Variants in MSLN observed in about 807,000 individuals in gnomAD.
MSLN encodes mesothelin.
Under a neutral mutation model 72.6 loss-of-function variants are expected in MSLN, and 82 were observed. The ratio of observed to expected loss-of-function variants is 1.13; its 90% CI spans 0.94 to 1.36. MSLN has a LOEUF of 1.36. Among genes scored for constraint, MSLN ranks in the 40% most tolerant of loss-of-function variants. The pLI is 0.00. For synonymous variants in MSLN, 456 were observed against 387.3 expected, an observed-to-expected ratio of 1.18 and a Z score of -2.08; for missense variants, 1,005 against 847.9, an observed-to-expected ratio of 1.19 and a Z score of -2.30.
At position 767,494 on chromosome 16, in the gene MSLN, G is replaced by C. The variant is rs764202411; in HGVS notation, c.1596+24G>C. ...TGGTATGGCGAGCGGGAGGAGGGGC[G>C]TGTGGAGGAGGGGCCCGTGGAGGAG... On this transcript the variant is annotated intron_variant, in intron 16 of 17. Coordinates refer to ENST00000545450, the MANE Select transcript of MSLN (RefSeq NM_005823.6). The C allele has an allele frequency of 6.1e-5, 90 of 1,478,140 alleles. 1 individual carries two copies. The highest frequency in any genetic ancestry group is 7.2e-5 in the Non-Finnish European group (80 of 1,109,012). 91.6% of individuals were successfully genotyped at this position (1,478,140 alleles called of 1,614,324 possible).
chr16:762,648 A>G, intron 2 of MSLN, 24 bp from the exon 3 acceptor site: 1 of 1,575,306 alleles, frequency 6.3e-7, no homozygotes, highest in Non-Finnish European at 8.7e-7. Context: ...AGGGGGTCCC[A>G]TCCTGAGTCA....
chr16:764,247 C>A, intron 6 of MSLN, 104 bp downstream of exon 6: 1 of 1,423,834 alleles, frequency 7.0e-7, no homozygotes, highest in Non-Finnish European at 9.4e-7. Context: ...TCTGTCCCTG[C>A]TGCCATCTCT....
At position 768,456 on chromosome 16, in the gene MSLN, G is replaced by A. The variant is rs201466189; in HGVS notation, c.1674G>A (p.Pro558=). Residue 558 remains proline, a synonymous_variant, in exon 17 of 18, where the codon CCG becomes CCA. Coordinates refer to ENST00000545450, the MANE Select transcript of MSLN (RefSeq NM_005823.6). ...TGAAGGCGGAGGAGCGGCACCGCCC[G>A]GTGCGGGACTGGATCCTACGGCAGC... ...EGLKAEERHR[P]VRDWILRQRQ... The A allele has an allele frequency of 2.1e-4, 317 of 1,542,624 alleles. No homozygotes were observed. The highest frequency in any genetic ancestry group is 3.6e-4 in the African/African-American group (26 of 72,996).
rs370159653 is a variant in MSLN at position 767,362 on chromosome 16, C to G, written c.1502-14C>G. The G allele has an allele frequency of 2.5e-6, 4 of 1,610,078 alleles. No individual in the cohort carries two copies. The African/African-American group carries it at 4.0e-5, about 16-fold the overall frequency. The stretch of plus-strand genomic sequence containing the variant: ...AGGTGAGGCCTCAGCTCGGGCCCCT[C>G]TCCCGGCGGGCAGGTGGGGCCCCCA... On this transcript the variant is annotated splice_polypyrimidine_tract_variant and intron_variant, in intron 15 of 17. Coordinates refer to ENST00000545450, the MANE Select transcript of MSLN (RefSeq NM_005823.6).
rs780508605 is a variant in MSLN, at chr16:766,189, C to T, written c.1026C>T (p.Ile342=). 2 of 1,612,282 alleles carry T rather than the reference C, an allele frequency of 1.2e-6. No homozygotes were observed. Among genetic ancestry groups the T allele is most frequent in the African/African-American group, 1.3e-5 (1 of 74,936 alleles). ...CCCAGATGGACCGCGTGAACGCCAT[C>T]CCCTTCACCTACGAGCAGCTGGACG... ...LATQMDRVNA[I]PFTYEQLDVL... is the part of the protein sequence containing the mutation. Residue 342 remains isoleucine, a synonymous_variant, in exon 12 of 18, where the codon ATC becomes ATT. Transcript: ENST00000545450.
chr16:768,138 G>C (rs1276819042), intron 16 of MSLN, among the ~76,000 whole-genome samples: 13 of 149,544 alleles, frequency 8.7e-5, no homozygotes, highest in Non-Finnish European at 1.5e-4. Flanking sequence ...GGGTGGGAGG[G>C]CGTGTAAGGC....
Position 764,646 on chromosome 16 carries a change from G to C in MSLN, c.301-1G>C. The stretch of plus-strand genomic sequence containing the variant: ...CTGTGCTGGACTCCCTGCCCCTGCA[G>C]CTGCGCTGTCTGGCTCACCGGCTCT... On this transcript the variant is annotated splice_acceptor_variant, in intron 6 of 17. Coordinates refer to ENST00000545450, the MANE Select transcript of MSLN (RefSeq NM_005823.6). LOFTEE classifies it high-confidence loss of function. 1 of 1,612,230 alleles carries C rather than the reference G, an allele frequency of 6.2e-7. No homozygotes were observed. The highest frequency in any genetic ancestry group is 8.5e-7 in the Non-Finnish European group (1 of 1,179,590).
rs754952105 is a variant in MSLN, at chr16:765,613, C to T, written c.791C>T (p.Pro264Leu). 2.5e-5 allele frequency: 40 copies of T among 1,602,972 alleles called. No homozygotes were observed. The highest frequency in any genetic ancestry group is 1.5e-4 in the African/African-American group (11 of 74,882). Residue 264 changes from proline (P) to leucine (L), a missense_variant, in exon 10 of 18, where the codon CCG becomes CTG. Transcript: ENST00000545450. ...GGCCAGCCCATCATCCGCAGCATCC[C>T]GCAGGTGAGACCCCAATCCCCAGCC... The part of the protein sequence containing the change: ...VLGQPIIRSI[P>L]QGIVAAWRQR...
Position 766,183 on chromosome 16 carries a change from C to T in MSLN, c.1020C>T (p.Asn340=), listed in dbSNP as rs377050647. 104 of 1,612,444 alleles carry T rather than the reference C, an allele frequency of 6.4e-5. No homozygotes were observed. Among genetic ancestry groups the T allele is most frequent in the African/African-American group, 8.0e-5 (6 of 74,934 alleles). Reference sequence around the variant, plus strand: ...TGGCCACCCAGATGGACCGCGTGAACGCCATCCCCTTCACCTACGAGCAGC... The same window carrying T: ...TGGCCACCCAGATGGACCGCGTGAATGCCATCCCCTTCACCTACGAGCAGC... ...ALLATQMDRV[N]AIPFTYEQLD... is the part of the protein sequence containing the mutation. Residue 340 remains asparagine, a synonymous_variant, in exon 12 of 18, where the codon AAC becomes AAT. Transcript: ENST00000545450.
intron 4 of MSLN, 54 bp from the exon 5 acceptor site, chr16:763,588 C>T (rs1427263051): frequency 6.5e-7 from 1 of 1,531,362 alleles, no homozygotes; most frequent in African/African-American, 1.4e-5. Flanking sequence ...GACCTGGGAA[C>T]TCCTGCTCCA....
At position 767,380 on chromosome 16, in the gene MSLN, GGC is replaced by G; in HGVS notation, c.1507_1508del (p.Ala503ProfsTer35). The G allele has an allele frequency of 6.2e-7, 1 of 1,611,044 alleles. No homozygotes were observed. ...FVKIQSFLGG[A>X]PTEDLKALSQ... ...GGCCCCTCTCCCGGCGGGCAGGTGG[GGC>G]CCCCACGGAGGATTTGAAGGCGCTC... On this transcript the variant is annotated frameshift_variant, in exon 16 of 18. Transcript: ENST00000545450. LOFTEE classifies it high-confidence loss of function.
chr16:765,408 GCCA>G (rs894850308), intron 9 of MSLN, 105 bp downstream of exon 9: 11 of 1,413,012 alleles, frequency 7.8e-6, no homozygotes, highest in African/African-American at 1.4e-5. Context: ...AGTCACCCCC[GCCA>G]CCACCCCTGC....
chr16:764,808 C>G, intron 7 of MSLN, 82 bp downstream of exon 7: 2 of 1,579,120 alleles, frequency 1.3e-6, no homozygotes, highest in East Asian at 2.3e-5. Flanking sequence ...TGCCTCGGAT[C>G]CCAGGCCACA....
In MSLN at chr16:768,734, G is replaced by T; in HGVS notation, c.*1G>T. The T allele has an allele frequency of 6.2e-7, 1 of 1,610,220 alleles. No homozygotes were observed. Among genetic ancestry groups the T allele is most frequent in the South Asian group, 1.1e-5 (1 of 91,092 alleles). Reference sequence around the variant, plus strand: ...GCTCCTAGCCTCCACCCTGGCCTGAGGGCCCCACTCCCTTGCTGGCCCCAG... The same window carrying T: ...GCTCCTAGCCTCCACCCTGGCCTGATGGCCCCACTCCCTTGCTGGCCCCAG... On this transcript the variant is annotated 3_prime_UTR_variant, in exon 18 of 18. Transcript: ENST00000545450.
chr16:764,623 G>A (rs1339858799), intron 6 of MSLN, 24 bp from the exon 7 acceptor site: 3 of 1,607,788 alleles, frequency 1.9e-6, no homozygotes, highest in South Asian at 2.2e-5. Flanking sequence ...GAAACGCTCT[G>A]TGCTGGACTC....
chr16:768,348 C>T, intron 16 of MSLN, 31 bp from the exon 17 acceptor site: 1 of 1,499,418 alleles, frequency 6.7e-7, no homozygotes, highest in Non-Finnish European at 8.9e-7. Flanking sequence ...GAAGGAGACC[C>T]TCCTTGATGG....
In MSLN at chr16:765,603, C is replaced by G. The variant is rs370425077; in HGVS notation, c.781C>G (p.Arg261Gly). ...LLPVLGQPII[R>G]SIPQGIVAAW... Reference sequence around the variant, plus strand: ...GCCCGTGCTGGGCCAGCCCATCATCCGCAGCATCCCGCAGGTGAGACCCCA... The same window carrying G: ...GCCCGTGCTGGGCCAGCCCATCATCGGCAGCATCCCGCAGGTGAGACCCCA... Residue 261 changes from arginine to glycine, a missense_variant, in exon 10 of 18, where the codon CGC becomes GGC. Physicochemically the swap from Arg to Gly is moderately radical, Grantham distance 125. Transcript: ENST00000545450. The G allele has an allele frequency of 5.0e-6, 8 of 1,603,606 alleles. No homozygotes were observed. The Admixed American group carries it at 1.0e-4, about 20-fold the overall frequency.
chr16:766,621 G>A (rs761585198), intron 13 of MSLN, 47 bp from the exon 14 acceptor site: 2 of 1,611,386 alleles, frequency 1.2e-6, no homozygotes, highest in Non-Finnish European at 1.7e-6. Context: ...GTGGTGGAGG[G>A]ATACATCTCT....
In MSLN at chr16:767,988, G is replaced by GA. The variant is rs1394546130; in HGVS notation, c.1597-391_1597-390insA. Among the ~76,000 whole-genome samples, 65 of 19,944 alleles carry GA rather than the reference G, an allele frequency of 3.3e-3. 3 individuals are homozygous for GA. Among genetic ancestry groups the GA allele is most frequent in the Admixed American group, 5.5e-3 (14 of 2,536 alleles). The allele number at this position is 19,944 out of a possible 152,430, so 13.1% of individuals were successfully genotyped here. ...GGGGGCCGTGTGGGGGGGCGTGGAG[G>GA]GGGGCGCGTGGAGGAGGAGGGGCGC... is the stretch of plus-strand genomic sequence containing the variant. On this transcript the variant is annotated intron_variant, in intron 16 of 17. Transcript: ENST00000545450.
Sources: gnomAD v4.1 joint callset for allele counts (sites outside exome capture counted in the v4.1 genomes callset) on GRCh38, gnomAD v4.1.1 for gene constraint, MANE v1.5 for transcripts, NCBI Gene and HGNC (gene_info 2026-07-23, HGNC 2026-07-21) for gene names.